UBE2D2: variants seen among roughly 807,000 people sequenced by gnomAD.
UBE2D2 encodes the protein ubiquitin-conjugating enzyme E2 D2.
Under a neutral mutation model 24.2 loss-of-function variants are expected in UBE2D2, and 2 were observed. The ratio of observed to expected loss-of-function variants is 0.08; its 90% CI spans 0.03 to 0.26. The LOEUF (loss-of-function observed/expected upper bound fraction) is 0.26, where lower values mean the gene tolerates loss of function less well. UBE2D2 is among the 10% of genes least tolerant of loss of function. The pLI is 1.00. For synonymous variants in UBE2D2, 58 were observed against 56.5 expected, an observed-to-expected ratio of 1.03 and a Z score of -0.12; for missense variants, 44 against 177.6, an observed-to-expected ratio of 0.25 and a Z score of 4.28.
intron 1 of UBE2D2, among the ~76,000 whole-genome samples, chr5:139,547,609 A>G (rs527683449): frequency 6.6e-6 from 1 of 151,962 alleles, no homozygotes; most frequent in South Asian, 2.1e-4. Flanking sequence ...TCCTGGGTTC[A>G]AGCAGTTCTC....
intron 1 of UBE2D2, among the ~76,000 whole-genome samples, chr5:139,532,187 T>G (rs1164044110): frequency 1.3e-5 from 2 of 150,438 alleles, no homozygotes; most frequent in South Asian, 2.1e-4. Flanking sequence ...TTTTTTTTTT[T>G]TGGGGGGGAC....
intron 1 of UBE2D2, among the ~76,000 whole-genome samples, chr5:139,550,107 T>G (rs182698165): frequency 1.1e-4 from 16 of 151,236 alleles, no homozygotes; most frequent in Non-Finnish European, 1.9e-4. Context: ...GGAGAACCTT[T>G]ATGTCTAGCT....
chr5:139,577,959 T>C (rs1017602270), intron 1 of UBE2D2, among the ~76,000 whole-genome samples: 1 of 152,194 alleles, frequency 6.6e-6, no homozygotes, highest in African/African-American at 2.4e-5. Context: ...GTGGAGGAGA[T>C]CCTTGCGCAA....
At position 139,537,261 on chromosome 5, in the gene UBE2D2, G is replaced by A. The variant is rs147583653; in HGVS notation, c.-64+10649G>A. Among the ~76,000 whole-genome samples, 43 of 151,348 alleles carry A rather than the reference G, an allele frequency of 2.8e-4. No homozygotes were observed. In the East Asian group the frequency reaches 8.2e-3, roughly 29 times the overall value. On this transcript the variant is annotated intron_variant, in intron 1 of 6. Coordinates refer to the UBE2D2 transcript ENST00000511725. ...CTAGTCATTGTTCAAATTTCCAATT[G>A]TCTTATAAACTTCATTTTTAATAGT...
At chr5:139,562,015 G>C (rs1753111609) in intron 1 of UBE2D2, 200 bp downstream of exon 1, 1 of 868,072 alleles carries the variant, frequency 1.2e-6, no homozygotes, top group Admixed American at 3.5e-5. Flanking sequence ...GGCCGGAGGT[G>C]CTCTCGCGGC....
Position 139,626,995 on chromosome 5 carries a change from C to T in UBE2D2, c.*194C>T, listed in dbSNP as rs1272224821. 2 of 537,894 alleles carry T rather than the reference C, an allele frequency of 3.7e-6. No individual in the cohort carries two copies. Among genetic ancestry groups the T allele is most frequent in the Non-Finnish European group, 3.3e-6 (1 of 302,422 alleles). The allele number at this position is 537,894 out of a possible 1,614,324, so 33.3% of individuals were successfully genotyped here. A position where few individuals can be genotyped will look rare whatever the true frequency, so the allele number is the denominator to read the frequency against. On this transcript the variant is annotated 3_prime_UTR_variant, in exon 7 of 7. Coordinates refer to ENST00000398733, the MANE Select transcript of UBE2D2 (RefSeq NM_003339.3). ...AAACTAGAAATACTGTACTTCTGTA[C>T]CAACATTGCCTCCTAGCAGAGAAGT...
intron 1 of UBE2D2, among the ~76,000 whole-genome samples, chr5:139,595,882 G>GT (rs1421028674): frequency 1.6e-5 from 2 of 121,768 alleles, no homozygotes; most frequent in Admixed American, 8.2e-5. Context: ...TTTTTTTTTT[G>GT]TTTTTTGTTG....
intron 1 of UBE2D2, chr5:139,562,114 A>T: frequency 6.7e-6 from 7 of 1,038,632 alleles, no homozygotes; most frequent in Non-Finnish European, 9.4e-6. Flanking sequence ...GCTGCACTTG[A>T]GGGCCATTGT....
In UBE2D2 at chr5:139,552,760, G is replaced by A. The variant is rs373456130; in HGVS notation, c.-64+26148G>A. Among the ~76,000 whole-genome samples, 82 of 143,106 alleles carry A rather than the reference G, an allele frequency of 5.7e-4. 1 individual carries two copies. In the East Asian group the frequency reaches 8.2e-3, roughly 14 times the overall value. 93.9% of individuals were successfully genotyped at this position (143,106 alleles called of 152,430 possible). A position where few individuals can be genotyped will look rare whatever the true frequency, so the allele number is the denominator to read the frequency against. On this transcript the variant is annotated intron_variant, in intron 1 of 6. Coordinates refer to the UBE2D2 transcript ENST00000511725. ...TGCAATGGCACGATCTTGGCTCACC[G>A]CAACCTCCACCTCCCAAGTTCAAGC... is the stretch of plus-strand genomic sequence containing the variant.
intron 1 of UBE2D2, among the ~76,000 whole-genome samples, chr5:139,569,356 C>T (rs1379978419): frequency 6.6e-6 from 1 of 152,096 alleles, no homozygotes; most frequent in Non-Finnish European, 1.5e-5. Context: ...TAGGTTTTCT[C>T]TGAAGTCTCC....
intron 1 of UBE2D2, among the ~76,000 whole-genome samples, chr5:139,545,178 A>G (rs1752810008): frequency 6.6e-6 from 1 of 152,162 alleles, no homozygotes; most frequent in South Asian, 2.1e-4. Context: ...AGTATTCCAT[A>G]GTATTAATTA....
chr5:139,568,540 C>T (rs899856493), intron 1 of UBE2D2, among the ~76,000 whole-genome samples: 2 of 152,036 alleles, frequency 1.3e-5, no homozygotes, highest in Non-Finnish European at 2.9e-5. Context: ...TGCCTGTAGT[C>T]CCAGCTATTC....
At chr5:139,534,027 C>T (rs1291008728) in intron 1 of UBE2D2, among the ~76,000 whole-genome samples, 3 of 151,636 alleles carry the variant, frequency 2.0e-5, no homozygotes, top group Non-Finnish European at 4.4e-5. Context: ...GTGACCCACC[C>T]GCCTCAGCCT....
chr5:139,574,349 T>G (rs995649845), intron 1 of UBE2D2, among the ~76,000 whole-genome samples: 4 of 151,606 alleles, frequency 2.6e-5, no homozygotes, highest in African/African-American at 9.7e-5. Context: ...TACATATTAG[T>G]AATTAGTATC....
chr5:139,626,171 C>T (rs976933357), intron 6 of UBE2D2, among the ~76,000 whole-genome samples: 5 of 151,282 alleles, frequency 3.3e-5, no homozygotes, highest in African/African-American at 4.9e-5. Context: ...TGAGCTCAAA[C>T]GATCTTCCCA....
At chr5:139,580,201 C>T (rs1452889014) in intron 1 of UBE2D2, among the ~76,000 whole-genome samples, 1 of 152,054 alleles carries the variant, frequency 6.6e-6, no homozygotes, top group Non-Finnish European at 1.5e-5. Flanking sequence ...TCAGGTGATT[C>T]TCCAGGCATG....
rs75539434 is a variant in UBE2D2, at chr5:139,574,735, C to CAAAAAAAAAAAAAAAAAA, written c.24+12921_24+12938dup. ...TGAATGCCAATATCAGGTGGGGTGG[C>CAAAAAAAAAAAAAAAAAA]AAAAAAAAAAAAAAAAAAGAAAAGA... On this transcript the variant is annotated intron_variant, in intron 1 of 6. Coordinates refer to ENST00000398733, the MANE Select transcript of UBE2D2 (RefSeq NM_003339.3). Among the ~76,000 whole-genome samples, 8 of 70,746 alleles carry CAAAAAAAAAAAAAAAAAA rather than the reference C, an allele frequency of 1.1e-4. 1 individual carries two copies. The highest frequency in any genetic ancestry group is 3.9e-4 in the African/African-American group (8 of 20,620). 46.4% of individuals were successfully genotyped at this position (70,746 alleles called of 152,430 possible).
chr5:139,536,221 T>C (rs986810609), intron 1 of UBE2D2, among the ~76,000 whole-genome samples: 2 of 152,054 alleles, frequency 1.3e-5, no homozygotes, highest in East Asian at 3.8e-4. Flanking sequence ...TGCCTCAGCC[T>C]CCGGAGTAGC....
chr5:139,538,262 G>A (rs1752711785), intron 1 of UBE2D2, among the ~76,000 whole-genome samples: 1 of 152,058 alleles, frequency 6.6e-6, no homozygotes, highest in Non-Finnish European at 1.5e-5. Context: ...GGGATTGTAG[G>A]GGTGAGCCAC....
Sources: allele counts gnomAD v4.1 joint callset (sites outside exome capture counted in the v4.1 genomes callset), GRCh38; gene constraint gnomAD v4.1.1; transcripts MANE v1.5; gene names NCBI Gene and HGNC (gene_info 2026-07-23, HGNC 2026-07-21).